The following WDR37 variants were observed in gnomAD, a reference collection of about 807,000 sequenced individuals.
WDR37 encodes the protein WD repeat-containing protein 37.
WDR37 carries 19 observed loss-of-function variants against 62.9 expected under a neutral mutation model. The ratio of observed to expected loss-of-function variants is 0.30; its 90% CI spans 0.21 to 0.44. The LOEUF (loss-of-function observed/expected upper bound fraction) is 0.44, where lower values mean the gene tolerates loss of function less well. WDR37 is among the 20% of genes least tolerant of loss of function. WDR37 has a pLI of 1.00. For synonymous variants in WDR37, 250 were observed against 260.9 expected, an observed-to-expected ratio of 0.96 and a Z score of 0.40; for missense variants, 474 against 657.6, an observed-to-expected ratio of 0.72 and a Z score of 3.05.
intron 1 of WDR37, among the ~76,000 whole-genome samples, chr10:1,061,726 C>T (rs1157099016): frequency 2.6e-5 from 4 of 151,814 alleles, no homozygotes; most frequent in Non-Finnish European, 5.9e-5. Flanking sequence ...GTAATTCCAG[C>T]TACTTGGGAG....
chr10:1,090,897 T>C (rs772354013), intron 7 of WDR37, among the ~76,000 whole-genome samples: 2 of 152,200 alleles, frequency 1.3e-5, no homozygotes, highest in Non-Finnish European at 2.9e-5. Context: ...ATTCTGCTGC[T>C]GCGCCTTTAA....
rs1363120457 is a variant in WDR37 at position 1,121,453 on chromosome 10, C to T, written c.1104-2765C>T. Among the ~76,000 whole-genome samples the T allele has an allele frequency of 6.6e-6, 1 of 152,116 alleles. No individual in the cohort carries two copies. The highest frequency in any genetic ancestry group is 1.9e-4 in the East Asian group (1 of 5,192). On this transcript the variant is annotated intron_variant, in intron 11 of 13. Coordinates refer to ENST00000263150, the MANE Select transcript of WDR37 (RefSeq NM_014023.4). This position sits in a 1 kb window ranked among gnomAD's most constrained non-coding sequence, Gnocchi z 4.5. Reference sequence around the variant, plus strand: ...AGCGTCTGATTTATAGTCAAGCTCTCATGTTGTTCTTTATTTTTTTAGATG... The same window carrying T: ...AGCGTCTGATTTATAGTCAAGCTCTTATGTTGTTCTTTATTTTTTTAGATG...
intron 9 of WDR37, among the ~76,000 whole-genome samples, chr10:1,096,834 G>A (rs150851755): frequency 3.0e-3 from 458 of 152,312 alleles, no homozygotes; most frequent in East Asian, 5.6e-3. Context: ...GTAGAAATAC[G>A]GACATCAATG....
Position 1,129,589 on chromosome 10 carries a change from C to T in WDR37, c.*245C>T. On this transcript the variant is annotated 3_prime_UTR_variant, in exon 14 of 14. Coordinates refer to ENST00000263150, the MANE Select transcript of WDR37 (RefSeq NM_014023.4). ...TCTGGGCAGTAGAGGCAAAGCTCAC[C>T]TCCCATGTAGCACATGAAATGCTTG... is the stretch of plus-strand genomic sequence containing the variant. The T allele has an allele frequency of 2.3e-6, 1 of 436,742 alleles. No homozygotes were observed. The highest frequency in any genetic ancestry group is 3.0e-5 in the South Asian group (1 of 33,242). 27.1% of individuals were successfully genotyped at this position (436,742 alleles called of 1,614,324 possible).
intron 2 of WDR37, chr10:1,074,539 C>G: frequency 7.7e-7 from 1 of 1,303,566 alleles, no homozygotes; most frequent in Non-Finnish European, 1.0e-6. Context: ...GCTCTGCCTT[C>G]CCCCTGCCCT....
chr10:1,073,593 C>T (rs1833785120), intron 2 of WDR37, among the ~76,000 whole-genome samples: 1 of 152,198 alleles, frequency 6.6e-6, no homozygotes, highest in Non-Finnish European at 1.5e-5. Flanking sequence ...TTTGCTAGGA[C>T]TCCCATAACA....
chr10:1,128,803 G>T (rs1022722507), intron 13 of WDR37, among the ~76,000 whole-genome samples: 1 of 151,674 alleles, frequency 6.6e-6, no homozygotes, highest in East Asian at 1.9e-4. Flanking sequence ...CGGCTCTGCC[G>T]TGCTCGGCGG....
chr10:1,072,435 C>T, intron 2 of WDR37, 142 bp downstream of exon 2: 1 of 1,161,794 alleles, frequency 8.6e-7, no homozygotes, highest in East Asian at 2.4e-5. Context: ...CTGCCTCAGC[C>T]TACTGAGTAG....
chr10:1,088,533 A>G (rs1250708267), intron 7 of WDR37, among the ~76,000 whole-genome samples: 1 of 152,132 alleles, frequency 6.6e-6, no homozygotes, highest in Non-Finnish European at 1.5e-5. Flanking sequence ...TGGAGCAGTC[A>G]TAACTCCCAC....
chr10:1,070,102 A>G lies in WDR37; in HGVS notation c.-40-2014A>G, dbSNP rs193178104. ...ATGCCTATAGTCCCAGTTACTCTGGAGGCTGAGGCACGAGATTCTTGCTTG... is the reference window on the plus strand; with the variant it reads ...ATGCCTATAGTCCCAGTTACTCTGGGGGCTGAGGCACGAGATTCTTGCTTG... On this transcript the variant is annotated intron_variant, in intron 1 of 13. Transcript: ENST00000263150. Among the ~76,000 whole-genome samples, 19 of 151,384 alleles carry G rather than the reference A, an allele frequency of 1.3e-4. No individual in the cohort carries two copies. The East Asian group carries it at 3.5e-3, about 28-fold the overall frequency.
At chr10:1,098,576 C>T (rs371056308) in intron 9 of WDR37, among the ~76,000 whole-genome samples, 1 of 152,148 alleles carries the variant, frequency 6.6e-6, no homozygotes, top group East Asian at 1.9e-4. Context: ...CCGCCCTCCT[C>T]GGCCTCCCAA....
intron 11 of WDR37, among the ~76,000 whole-genome samples, chr10:1,106,602 T>C (rs1276204993): frequency 2.6e-5 from 4 of 151,976 alleles, no homozygotes; most frequent in East Asian, 1.9e-4. Context: ...CTGCAGCCTC[T>C]GCCTCCCGGG....
At chr10:1,076,283 CTG>C (rs1298322042) in intron 2 of WDR37, among the ~76,000 whole-genome samples, 1 of 152,064 alleles carries the variant, frequency 6.6e-6, no homozygotes, top group Non-Finnish European at 1.5e-5. Flanking sequence ...TCTGTGATAA[CTG>C]TAAAACTCAC....
chr10:1,101,774 C>T (rs923859316), intron 9 of WDR37, among the ~76,000 whole-genome samples: 1 of 152,230 alleles, frequency 6.6e-6, no homozygotes, highest in Non-Finnish European at 1.5e-5. Context: ...CCGGGCGAGC[C>T]TTACTTAACC....
intron 7 of WDR37, among the ~76,000 whole-genome samples, chr10:1,092,760 C>T (rs1834438007): frequency 6.7e-6 from 1 of 149,646 alleles, no homozygotes; most frequent in Admixed American, 6.7e-5. Flanking sequence ...GTCCCAGCTA[C>T]TTGGGAGGCT....
intron 9 of WDR37, among the ~76,000 whole-genome samples, chr10:1,098,604 C>T (rs148830468): frequency 2.0e-5 from 3 of 152,136 alleles, no homozygotes; most frequent in African/African-American, 4.8e-5. Context: ...GGATTACAGG[C>T]GTGAGCCACC....
chr10:1,089,879 G>A (rs375311904), intron 7 of WDR37, among the ~76,000 whole-genome samples: 2 of 152,326 alleles, frequency 1.3e-5, no homozygotes, highest in South Asian at 2.1e-4. Flanking sequence ...TCAGAGAGGG[G>A]AGAAGACGCC....
At chr10:1,122,306 G>C (rs1345239733) in intron 11 of WDR37, among the ~76,000 whole-genome samples, 1 of 152,190 alleles carries the variant, frequency 6.6e-6, no homozygotes, top group Non-Finnish European at 1.5e-5. Context: ...TCATCTCGTA[G>C]GTATCTCAGC....
Position 1,096,117 on chromosome 10 carries a change from G to A in WDR37, c.650-53G>A, listed in dbSNP as rs1352506796. On this transcript the variant is annotated intron_variant, in intron 8 of 13. Coordinates refer to ENST00000263150, the MANE Select transcript of WDR37 (RefSeq NM_014023.4). Reference sequence around the variant, plus strand: ...CTTAGCCATAGTGGCGGTGAAGAGCGCATTTTACCATGGTCTGTGCCTTGG... The same window carrying A: ...CTTAGCCATAGTGGCGGTGAAGAGCACATTTTACCATGGTCTGTGCCTTGG... The A allele has an allele frequency of 2.2e-5, 34 of 1,569,892 alleles. 1 individual carries two copies. The highest frequency in any genetic ancestry group is 5.6e-5 in the South Asian group (5 of 90,072).
Sources: allele counts gnomAD v4.1 joint callset (sites outside exome capture counted in the v4.1 genomes callset), GRCh38; gene constraint gnomAD v4.1.1; non-coding constraint Gnocchi (gnomAD v3.1); transcripts MANE v1.5; gene names NCBI Gene and HGNC (gene_info 2026-07-23, HGNC 2026-07-21).